TIAM1: variants seen among roughly 807,000 people sequenced by gnomAD.
TIAM1 encodes the protein TIAM Rac1 associated GEF 1, also known as rho guanine nucleotide exchange factor TIAM1.
In TIAM1, 65 loss-of-function variants were observed where a neutral mutation model predicts 163.5. That is an observed-to-expected ratio of 0.40 (90% CI 0.33 to 0.49). The LOEUF is 0.49. Among genes scored for constraint, TIAM1 ranks in the 20% least tolerant of loss-of-function variants. The probability of loss-of-function intolerance (pLI) is 0.77; values close to 1 mark genes in which losing one functional copy is unlikely to be tolerated. For synonymous variants in TIAM1, 833 were observed against 810.1 expected (o/e 1.03, Z -0.48); for missense variants, 1,789 against 2,044.7 (o/e 0.87, Z 2.41).
At chr21:31,405,915 C>T (rs758242184) in intron 2 of TIAM1, among the ~76,000 whole-genome samples, 7 of 152,114 alleles carry the variant, frequency 4.6e-5, no homozygotes, top group Non-Finnish European at 5.9e-5. Flanking sequence ...GAGTCTCCAA[C>T]CACAAAACTC....
rs79737264 is a variant in TIAM1, at chr21:31,433,178, A to G, written c.-369+30805T>C. Among the ~76,000 whole-genome samples the G allele has an allele frequency of 3.0e-3, 461 of 152,328 alleles. 5 individuals are homozygous for G. Among genetic ancestry groups the G allele is most frequent in the African/African-American group, 9.4e-3 (392 of 41,574 alleles). On this transcript the variant is annotated intron_variant, in intron 2 of 28. Coordinates refer to the TIAM1 transcript ENST00000286827. ...ATTGAAAGCCAGAGCTCTTCAGAGC[A>G]GGGGAGTCACCCAAGCCTTCCTAGA...
chr21:31,525,585 T>G (rs2047751812), intron 1 of TIAM1, among the ~76,000 whole-genome samples: 1 of 152,034 alleles, frequency 6.6e-6, no homozygotes, highest in South Asian at 2.1e-4. Flanking sequence ...GACAAGGCAC[T>G]TGAGGCACAG....
intron 1 of TIAM1, among the ~76,000 whole-genome samples, chr21:31,509,135 G>C (rs1186265239): frequency 6.6e-6 from 1 of 152,120 alleles, no homozygotes; most frequent in African/African-American, 2.4e-5. Flanking sequence ...CTCCGTGGTG[G>C]AGATTATGGG....
intron 16 of TIAM1, among the ~76,000 whole-genome samples, chr21:31,159,568 C>T (rs538483956): frequency 3.3e-5 from 5 of 152,280 alleles, no homozygotes; most frequent in Admixed American, 2.6e-4. Flanking sequence ...GGGGACAATG[C>T]GCTCCATAAT....
intron 1 of TIAM1, among the ~76,000 whole-genome samples, chr21:31,502,177 T>G (rs1285849755): frequency 6.6e-6 from 1 of 151,906 alleles, no homozygotes; most frequent in East Asian, 1.9e-4. Flanking sequence ...CCAAGTAACA[T>G]ATCTTAAAGA....
At chr21:31,224,806 A>T (rs2087843466) in intron 7 of TIAM1, among the ~76,000 whole-genome samples, 1 of 152,254 alleles carries the variant, frequency 6.6e-6, no homozygotes, top group Non-Finnish European at 1.5e-5. Context: ...TTGTTCAATG[A>T]TTTAAATATC....
chr21:31,452,509 A>G (rs1234925587), intron 2 of TIAM1: 7 of 567,868 alleles, frequency 1.2e-5, no homozygotes, highest in South Asian at 1.1e-4. Context: ...GTTTTAAGAA[A>G]GCCAGATACC....
chr21:31,441,517 G>A (rs368209521), intron 2 of TIAM1, among the ~76,000 whole-genome samples: 41 of 152,138 alleles, frequency 2.7e-4, no homozygotes, highest in Non-Finnish European at 3.5e-4. Flanking sequence ...ACAAGTTGGC[G>A]ATAGCAGAGC....
rs9981085 is a variant in TIAM1, at chr21:31,133,976, G to A, written c.3883+1957C>T. ...CCAGCTACTCGGGAGACTGAGACAG[G>A]ACAATCGCTTGAACCTGGGAGGCAG... On this transcript the variant is annotated intron_variant, in intron 23 of 27. Coordinates refer to ENST00000541036, the MANE Select transcript of TIAM1 (RefSeq NM_001353694.2). Among the ~76,000 whole-genome samples the A allele has an allele frequency of 5.2e-3, 785 of 152,126 alleles. 9 individuals are homozygous for A. Among genetic ancestry groups the A allele is most frequent in the African/African-American group, 0.018 (729 of 41,494 alleles).
At chr21:31,456,365 G>A (rs529601878) in intron 2 of TIAM1, among the ~76,000 whole-genome samples, 1 of 152,322 alleles carries the variant, frequency 6.6e-6, no homozygotes, top group East Asian at 1.9e-4. Context: ...AGGACCAGGT[G>A]CGTGAGGATC....
chr21:31,456,508 G>A (rs939510835), intron 2 of TIAM1, among the ~76,000 whole-genome samples: 2 of 152,202 alleles, frequency 1.3e-5, no homozygotes, highest in Non-Finnish European at 2.9e-5. Flanking sequence ...GATTTTTTAA[G>A]ATAAGATGAA....
intron 2 of TIAM1, among the ~76,000 whole-genome samples, chr21:31,450,150 G>A (rs1432295031): frequency 6.6e-6 from 1 of 152,122 alleles, no homozygotes; most frequent in Non-Finnish European, 1.5e-5. Flanking sequence ...TCGGACAAAG[G>A]CAGGATGCAA....
At chr21:31,408,886 A>G (rs1416754882) in intron 2 of TIAM1, among the ~76,000 whole-genome samples, 1 of 152,120 alleles carries the variant, frequency 6.6e-6, no homozygotes, top group African/African-American at 2.4e-5. Flanking sequence ...GAAACCTAGA[A>G]GTGGGGCAAT....
chr21:31,140,687 T>C (rs1390838397), intron 22 of TIAM1, among the ~76,000 whole-genome samples: 1 of 152,220 alleles, frequency 6.6e-6, no homozygotes, highest in Non-Finnish European at 1.5e-5. Context: ...GGTTTTTGGG[T>C]AGATTTAACT....
chr21:31,204,433 C>A (rs1364276053), intron 11 of TIAM1, among the ~76,000 whole-genome samples: 1 of 152,180 alleles, frequency 6.6e-6, no homozygotes, highest in African/African-American at 2.4e-5. Flanking sequence ...AACCTCTTCA[C>A]ATTCAAAGCT....
intron 8 of TIAM1, among the ~76,000 whole-genome samples, chr21:31,219,024 CTTTTTTTTTTTT>C (rs35555743): frequency 6.8e-5 from 6 of 88,528 alleles, no homozygotes; most frequent in South Asian, 4.5e-4. Context: ...GAAGCATTTC[CTTTTTTTTTTTT>C]TTTTTTTTTT....
chr21:31,364,329 A>T (rs918767129), intron 2 of TIAM1, among the ~76,000 whole-genome samples: 13 of 152,206 alleles, frequency 8.5e-5, no homozygotes, highest in African/African-American at 3.1e-4. Flanking sequence ...TTGCTTGTAG[A>T]GAGCTCTCTT....
At chr21:31,164,321 C>T (rs1189684234) in intron 16 of TIAM1, among the ~76,000 whole-genome samples, 3 of 149,596 alleles carry the variant, frequency 2.0e-5, no homozygotes, top group Non-Finnish European at 4.4e-5. Flanking sequence ...ACCCGGGAGG[C>T]GGAGCTTGCA....
At chr21:31,497,491 T>C (rs1051038384) in intron 1 of TIAM1, among the ~76,000 whole-genome samples, 1 of 152,208 alleles carries the variant, frequency 6.6e-6, no homozygotes, top group African/African-American at 2.4e-5. Flanking sequence ...TTTATTTGGA[T>C]GTTATATCCG....
Sources: gnomAD v4.1 joint callset for allele counts (sites outside exome capture counted in the v4.1 genomes callset) on GRCh38, gnomAD v4.1.1 for gene constraint, MANE v1.5 for transcripts, NCBI Gene and HGNC (gene_info 2026-07-23, HGNC 2026-07-21) for gene names.